The following TCF7 variants were observed in gnomAD, a reference collection of about 807,000 sequenced individuals.
TCF7 encodes transcription factor 7.
Under a neutral mutation model 46.8 loss-of-function variants are expected in TCF7, and 19 were observed. The ratio of observed to expected loss-of-function variants is 0.41; its 90% CI spans 0.28 to 0.60. The LOEUF (loss-of-function observed/expected upper bound fraction) is 0.60, where lower values mean the gene tolerates loss of function less well. TCF7 is among the 20% of genes least tolerant of loss of function. The pLI is 0.35. For synonymous variants in TCF7, 245 were observed against 213.4 expected (o/e 1.15, Z -1.29); for missense variants, 547 against 504.6 (o/e 1.08, Z -0.81).
intron 3 of TCF7, among the ~76,000 whole-genome samples, chr5:134,117,954 G>A (rs979524119): frequency 6.6e-6 from 1 of 152,204 alleles, no homozygotes; most frequent in Admixed American, 6.5e-5. Context: ...AAAGGACAGA[G>A]GCAGAGGTGT....
chr5:134,112,468 C>T (rs148509707), upstream of TCF7, among the ~76,000 whole-genome samples: 40 of 152,286 alleles, frequency 2.6e-4, no homozygotes, highest in African/African-American at 9.6e-4. Flanking sequence ...CTCTCCCTCA[C>T]GCCTCCTCAC....
upstream of TCF7, among the ~76,000 whole-genome samples, chr5:134,110,519 A>G (rs191037809): frequency 6.6e-6 from 1 of 152,356 alleles, no homozygotes; most frequent in Non-Finnish European, 1.5e-5. Flanking sequence ...GAAACTACAC[A>G]GAGTTTCCAG....
intron 3 of TCF7, chr5:134,123,609 C>T: frequency 2.2e-6 from 1 of 444,898 alleles, no homozygotes; most frequent in Admixed American, 2.4e-5. Context: ...GCTCCATCAG[C>T]AGAGGGGCAG....
At chr5:134,128,436 C>T (rs1219320525) in intron 3 of TCF7, among the ~76,000 whole-genome samples, 1 of 151,976 alleles carries the variant, frequency 6.6e-6, no homozygotes, top group Non-Finnish European at 1.5e-5. Context: ...CCTTGTTTCC[C>T]TTTGGATAAA....
chr5:134,113,562 G>A (rs967848457), upstream of TCF7, among the ~76,000 whole-genome samples: 3 of 152,230 alleles, frequency 2.0e-5, no homozygotes, highest in African/African-American at 7.2e-5. Context: ...ACTGCTCTCA[G>A]AAGAGGCGTG....
chr5:134,132,462 C>T (rs1758261847), intron 3 of TCF7, among the ~76,000 whole-genome samples: 1 of 152,244 alleles, frequency 6.6e-6, no homozygotes, highest in Non-Finnish European at 1.5e-5. Flanking sequence ...TCCCCTGCCA[C>T]TGGGAGGCGT....
chr5:134,142,935 C>A, intron 7 of TCF7, 52 bp downstream of exon 7: 1 of 1,611,676 alleles, frequency 6.2e-7, no homozygotes, highest in Non-Finnish European at 8.5e-7. Context: ...CCATCTTCAG[C>A]CTGGTGCAGC....
At chr5:134,145,758 G>T in intron 9 of TCF7, 1 of 1,613,972 alleles carries the variant, frequency 6.2e-7, no homozygotes, top group Non-Finnish European at 8.5e-7. Flanking sequence ...CTGGCCCAGA[G>T]AACTCAAGGA....
At position 134,142,261 on chromosome 5, in the gene TCF7, C is replaced by T. The variant is rs1312025395; in HGVS notation, c.712C>T (p.Pro238Ser). 6 of 1,606,148 alleles carry T rather than the reference C, an allele frequency of 3.7e-6. No homozygotes were observed. The highest frequency in any genetic ancestry group is 1.3e-5 in the African/African-American group (1 of 74,750). Residue 238 changes from proline (P) to serine (S), a missense_variant, in exon 6 of 10, where the codon CCC becomes TCC. This residue lies in a region of TCF7 where 425 missense variants were observed against 349.9 expected (regional missense o/e 1.21). Transcript: ENST00000342854. ...PAAIPHPAIV[P>S]PSGKQELQPF... ...AGCCATCCCCCACCCGGCCATTGTG[C>T]CCCCCTCAGGGAAGCAGGAGCTGCA...
Position 134,115,972 on chromosome 5 carries a change from T to C in TCF7, c.380T>C (p.Leu127Pro). 6.2e-7 allele frequency: 1 copy of C among 1,614,010 alleles called. No individual in the cohort carries two copies. The highest frequency in any genetic ancestry group is 8.5e-7 in the Non-Finnish European group (1 of 1,180,018). The change falls in exon 3 of 10, where the codon CTG (leucine) becomes CCG (proline). Residue 127 changes from leucine (L) to proline (P), a missense_variant. By Grantham distance (98) the Leu-to-Pro change is moderately conservative. Transcript: ENST00000342854. ...YKETVYSAFN[L>P]LMHYPPPSGA... is the part of the protein sequence containing the mutation. ...GAGACCGTCTACTCCGCCTTCAATC[T>C]GCTCATGCATTACCCACCCCCCTCG...
chr5:134,142,847 G>A lies in TCF7; in HGVS notation c.882G>A (p.Lys294=). The change falls in exon 7 of 10, where the codon AAG becomes AAA. Residue 294 remains lysine (K), a synonymous_variant. Coordinates refer to ENST00000342854, the MANE Select transcript of TCF7 (RefSeq NM_003202.5). ...AGGTCATTGCAGAGTGCACACTTAA[G>A]GAGAGCGCTGCCATCAACCAGATCC... ...RAKVIAECTL[K]ESAAINQILG... 1.2e-6 allele frequency: 2 copies of A among 1,614,164 alleles called. No homozygotes were observed. Among genetic ancestry groups the A allele is most frequent in the South Asian group, 1.1e-5 (1 of 91,084 alleles).
At chr5:134,136,205 C>A (rs1758839909) in intron 3 of TCF7, among the ~76,000 whole-genome samples, 1 of 152,096 alleles carries the variant, frequency 6.6e-6, no homozygotes, top group Non-Finnish European at 1.5e-5. Context: ...TGTTTGTACC[C>A]TGATGGGAAT....
Position 134,142,297 on chromosome 5 carries a change from C to G in TCF7, c.748C>G (p.Arg250Gly), listed in dbSNP as rs148336332. Residue 250 changes from arginine (R) to glycine (G), a missense_variant, in exon 6 of 10, where the codon CGC becomes GGC. By Grantham distance (125) the Arg-to-Gly change is moderately radical (BLOSUM62 -2). Coordinates refer to ENST00000342854, the MANE Select transcript of TCF7 (RefSeq NM_003202.5). The part of the protein sequence containing the change: ...SGKQELQPFD[R>G]NLKTQAESKA... ...GAAGCAGGAGCTGCAGCCCTTCGAC[C>G]GCAACCTGTGAGTGAAAAGACAATG... 5.0e-6 allele frequency: 8 copies of G among 1,585,494 alleles called. No homozygotes were observed. The highest frequency in any genetic ancestry group is 1.7e-4 in the Middle Eastern group (1 of 5,908).
intron 5 of TCF7, chr5:134,140,779 A>G (rs541642198): frequency 4.8e-5 from 22 of 455,492 alleles, no homozygotes; most frequent in African/African-American, 4.4e-4. Context: ...GCTAACAGCT[A>G]TCTCTCCCAA....
chr5:134,121,491 A>C (rs184642946), intron 3 of TCF7, among the ~76,000 whole-genome samples: 1 of 151,482 alleles, frequency 6.6e-6, no homozygotes, highest in African/African-American at 2.4e-5. Flanking sequence ...CAGGAGGCTG[A>C]GGCAGGAGAA....
chr5:134,138,930 C>G (rs1726030955), intron 4 of TCF7, 21 bp from the exon 5 acceptor site: 1 of 1,613,320 alleles, frequency 6.2e-7, no homozygotes, highest in East Asian at 2.2e-5. Context: ...AGCCCACTCA[C>G]TCAGCTTCTC....
chr5:134,119,401 A>G (rs1756272987), intron 3 of TCF7, among the ~76,000 whole-genome samples: 1 of 152,226 alleles, frequency 6.6e-6, no homozygotes, highest in Non-Finnish European at 1.5e-5. Context: ...AGGTTCTGGA[A>G]TTAGATCGTG....
chr5:134,113,081 C>G (rs896901389), upstream of TCF7, among the ~76,000 whole-genome samples: 21 of 152,350 alleles, frequency 1.4e-4, no homozygotes, highest in African/African-American at 4.6e-4. Context: ...GCTCTGAACT[C>G]CCGTCCCTGT....
intron 3 of TCF7, among the ~76,000 whole-genome samples, chr5:134,120,674 A>C (rs962569620): frequency 6.6e-6 from 1 of 152,204 alleles, no homozygotes; most frequent in East Asian, 1.9e-4. Flanking sequence ...TCTCTGCCTC[A>C]GGGAGCCTCC....
Sources: allele counts gnomAD v4.1 joint callset (sites outside exome capture counted in the v4.1 genomes callset), GRCh38; gene constraint gnomAD v4.1.1; regional missense constraint gnomAD v4.1.1; transcripts MANE v1.5; gene names NCBI Gene and HGNC (gene_info 2026-07-23, HGNC 2026-07-21).